NDEL1: variants seen among roughly 807,000 people sequenced by gnomAD.
NDEL1 encodes nudE neurodevelopment protein 1 like 1, also known as nuclear distribution protein nudE-like 1.
NDEL1 carries 9 observed loss-of-function variants against 45.7 expected under a neutral mutation model. The observed-to-expected ratio is 0.20, with a 90% CI of 0.12 to 0.34. The LOEUF is 0.34. Among genes scored for constraint, NDEL1 ranks in the 10% least tolerant of loss-of-function variants. The probability of loss-of-function intolerance (pLI) is 1.00; values close to 1 mark genes in which losing one functional copy is unlikely to be tolerated. For missense variants in NDEL1, 306 were observed against 406.2 expected, an observed-to-expected ratio of 0.75 and a Z score of 2.12; for synonymous variants, 133 against 158.6, an observed-to-expected ratio of 0.84 and a Z score of 1.21.
chr17:8,455,425 C>A (rs572326891), intron 7 of NDEL1, among the ~76,000 whole-genome samples: 1 of 152,150 alleles, frequency 6.6e-6, no homozygotes, highest in Non-Finnish European at 1.5e-5. Context: ...CGGTGGCTCA[C>A]GCCTGTAATC....
chr17:8,460,135 G>A lies in NDEL1; in HGVS notation c.919G>A (p.Gly307Arg). 1 of 1,613,438 alleles carries A rather than the reference G, an allele frequency of 6.2e-7. No individual in the cohort carries two copies. Among genetic ancestry groups the A allele is most frequent in the Non-Finnish European group, 8.5e-7 (1 of 1,179,812 alleles). The change falls in exon 8 of 9, where the codon GGG becomes AGG. Residue 307 changes from glycine to arginine, a missense_variant. Transcript: ENST00000334527. The stretch of plus-strand genomic sequence containing the variant: ...CAATGGCACAAAGTTCTCTCGATCA[G>A]GGCATACATCTTTCTTCGACAAAGG... ...NGNGTKFSRSGHTSFFDKGAV... is the reference protein window; with the variant it reads ...NGNGTKFSRSRHTSFFDKGAV...
intron 7 of NDEL1, among the ~76,000 whole-genome samples, chr17:8,456,509 T>C (rs1046239403): frequency 6.8e-6 from 1 of 147,340 alleles, no homozygotes; most frequent in African/African-American, 2.5e-5. Context: ...TTTTTTTTTT[T>C]TTTTTTGAGA....
intron 4 of NDEL1, 54 bp from the exon 5 acceptor site, chr17:8,448,496 A>G (rs565892748): frequency 1.3e-5 from 20 of 1,555,838 alleles, no homozygotes; most frequent in South Asian, 9.3e-5. Context: ...CTTTTGTACT[A>G]TCTGTTTGCA....
At chr17:8,442,088 T>G (rs1909772577) in intron 1 of NDEL1, among the ~76,000 whole-genome samples, 1 of 152,184 alleles carries the variant, frequency 6.6e-6, no homozygotes, top group Non-Finnish European at 1.5e-5. Flanking sequence ...TAATGATGAT[T>G]TGAGGTAGCT....
At chr17:8,451,820 T>C (rs1360794137) in intron 6 of NDEL1, among the ~76,000 whole-genome samples, 3 of 152,200 alleles carry the variant, frequency 2.0e-5, no homozygotes, top group Non-Finnish European at 4.4e-5. Flanking sequence ...CCCACCCTTT[T>C]TAAAATATAG....
At chr17:8,454,578 C>CT (rs1330490891) in intron 6 of NDEL1, among the ~76,000 whole-genome samples, 4 of 152,106 alleles carry the variant, frequency 2.6e-5, no homozygotes, top group Non-Finnish European at 5.9e-5. Flanking sequence ...AGTATATGTC[C>CT]TTGTAGCATT....
chr17:8,429,610 A>G (rs1908951608), intron 1 of NDEL1, among the ~76,000 whole-genome samples: 3 of 152,154 alleles, frequency 2.0e-5, no homozygotes, highest in Admixed American at 2.0e-4. Context: ...GAAGTCAACA[A>G]GATAGGCCCA....
chr17:8,420,387 C>T (rs188080757), intron 1 of NDEL1, among the ~76,000 whole-genome samples: 8 of 152,302 alleles, frequency 5.3e-5, no homozygotes, highest in Admixed American at 5.2e-4. Context: ...TAAATGATAG[C>T]TATTTTTTTA....
At chr17:8,442,334 A>G (rs1411698997) in intron 1 of NDEL1, among the ~76,000 whole-genome samples, 1 of 152,244 alleles carries the variant, frequency 6.6e-6, no homozygotes, top group Non-Finnish European at 1.5e-5. Flanking sequence ...TCCATTCCTG[A>G]AGTAGGAATT....
intron 1 of NDEL1, among the ~76,000 whole-genome samples, chr17:8,414,379 G>T (rs114819406): frequency 6.6e-6 from 1 of 152,044 alleles, no homozygotes; most frequent in Non-Finnish European, 1.5e-5. Flanking sequence ...AAGAAATGTC[G>T]TACCATGGCC....
chr17:8,450,075 G>C (rs1479005319), intron 5 of NDEL1, among the ~76,000 whole-genome samples: 1 of 152,078 alleles, frequency 6.6e-6, no homozygotes, highest in African/African-American at 2.4e-5. Flanking sequence ...TTGAGGTTAG[G>C]AGTTCGAGAC....
intron 1 of NDEL1, among the ~76,000 whole-genome samples, chr17:8,420,212 A>G (rs567365487): frequency 6.6e-6 from 1 of 152,328 alleles, no homozygotes; most frequent in African/African-American, 2.4e-5. Flanking sequence ...CCTCATCTGT[A>G]AAGTGGGAAC....
intron 1 of NDEL1, among the ~76,000 whole-genome samples, chr17:8,438,556 C>T (rs1447808389): frequency 6.6e-6 from 1 of 152,130 alleles, no homozygotes; most frequent in African/African-American, 2.4e-5. Flanking sequence ...CATTTTGTCA[C>T]CCAGGCTGGA....
intron 8 of NDEL1, among the ~76,000 whole-genome samples, chr17:8,462,382 T>A (rs1911264087): frequency 6.6e-6 from 1 of 152,182 alleles, no homozygotes; most frequent in African/African-American, 2.4e-5. Context: ...GTTGCTGTAT[T>A]CCTGAGGATA....
At chr17:8,451,096 G>A in intron 6 of NDEL1, 143 bp downstream of exon 6, 1 of 646,012 alleles carries the variant, frequency 1.5e-6, no homozygotes. Flanking sequence ...ATAGAAGAAG[G>A]AATTGTTTTC....
intron 1 of NDEL1, among the ~76,000 whole-genome samples, chr17:8,414,149 T>C (rs776474562): frequency 5.3e-5 from 8 of 152,210 alleles, no homozygotes; most frequent in Non-Finnish European, 1.2e-4. Flanking sequence ...TAGTATTCCA[T>C]TGTGTGGCTG....
intron 1 of NDEL1, chr17:8,436,545 C>G (rs886757950): frequency 6.6e-6 from 1 of 152,374 alleles, no homozygotes; most frequent in African/African-American, 2.4e-5. Flanking sequence ...ACGTTGGGCT[C>G]GGATTGGCAT....
Position 8,446,744 on chromosome 17 carries a change from A to G in NDEL1, c.241-10A>G, listed in dbSNP as rs758887644. 4 of 1,613,982 alleles carry G rather than the reference A, an allele frequency of 2.5e-6. No individual in the cohort carries two copies. Among genetic ancestry groups the G allele is most frequent in the Non-Finnish European group, 1.7e-6 (2 of 1,179,950 alleles). On this transcript the variant is annotated splice_polypyrimidine_tract_variant and intron_variant, in intron 3 of 8. Transcript: ENST00000334527. ...TAATGACATGTACTTTCCTATACTGATGCCCTCAGGAGAAGCTAGAGCATC... is the reference window on the plus strand; with the variant it reads ...TAATGACATGTACTTTCCTATACTGGTGCCCTCAGGAGAAGCTAGAGCATC...
intron 1 of NDEL1, among the ~76,000 whole-genome samples, chr17:8,413,749 C>A (rs912746487): frequency 2.0e-5 from 3 of 152,182 alleles, no homozygotes; most frequent in Non-Finnish European, 4.4e-5. Flanking sequence ...CGTGTTTTCT[C>A]ATCTACAAAA....
Sources: gnomAD v4.1 joint callset for allele counts (sites outside exome capture counted in the v4.1 genomes callset) on GRCh38, gnomAD v4.1.1 for gene constraint, MANE v1.5 for transcripts, NCBI Gene and HGNC (gene_info 2026-07-23, HGNC 2026-07-21) for gene names.